Variants in HELZ observed in about 807,000 individuals in gnomAD.
HELZ encodes helicase with zinc finger, also known as ATP-dependent RNA helicase with zinc finger domain.
A neutral mutation model predicts 218.2 loss-of-function variants in HELZ; 23 were observed. The ratio of observed to expected loss-of-function variants is 0.11; its 90% CI spans 0.08 to 0.15. The LOEUF is 0.15. Ranked by LOEUF, HELZ falls within the 10% of genes least tolerant of loss-of-function variation. The probability of loss-of-function intolerance (pLI) is 1.00; values close to 1 mark genes in which losing one functional copy is unlikely to be tolerated. For synonymous variants in HELZ, 814 were observed against 829.4 expected, an observed-to-expected ratio of 0.98 and a Z score of 0.32; for missense variants, 1,813 against 2,353.7, an observed-to-expected ratio of 0.77 and a Z score of 4.75.
At chr17:67,130,185 G>A (rs567223066) in intron 23 of HELZ, among the ~76,000 whole-genome samples, 1 of 152,052 alleles carries the variant, frequency 6.6e-6, no homozygotes, top group Non-Finnish European at 1.5e-5. Context: ...AGAAGGTAGC[G>A]GGGTGGGAGA....
chr17:67,092,970 A>T (rs906150326), intron 31 of HELZ, among the ~76,000 whole-genome samples: 10 of 151,482 alleles, frequency 6.6e-5, no homozygotes, highest in African/African-American at 1.9e-4. Flanking sequence ...TCTGTCTCAT[A>T]AAAAAAAAGA....
intron 17 of HELZ, among the ~76,000 whole-genome samples, chr17:67,155,972 G>A (rs936544454): frequency 6.8e-6 from 1 of 147,112 alleles, no homozygotes. Flanking sequence ...TTATTTTTAT[G>A]TATTATATAT....
chr17:67,174,115 G>A (rs940026218), intron 13 of HELZ, among the ~76,000 whole-genome samples: 2 of 148,908 alleles, frequency 1.3e-5, no homozygotes, highest in African/African-American at 5.0e-5. Context: ...ATGAAATATA[G>A]TATTATCTTT....
At chr17:67,213,874 C>A (rs1054717751) in intron 5 of HELZ, among the ~76,000 whole-genome samples, 1 of 152,074 alleles carries the variant, frequency 6.6e-6, no homozygotes, top group African/African-American at 2.4e-5. Flanking sequence ...TAATTTAGAA[C>A]AATATTCATG....
intron 17 of HELZ, among the ~76,000 whole-genome samples, chr17:67,157,245 C>G (rs78759132): frequency 6.6e-6 from 1 of 152,064 alleles, no homozygotes; most frequent in Non-Finnish European, 1.5e-5. Context: ...AATGCAAGAA[C>G]GGCCTAATAC....
At chr17:67,112,339 G>C (rs1280294946) in intron 28 of HELZ, among the ~76,000 whole-genome samples, 3 of 152,146 alleles carry the variant, frequency 2.0e-5, no homozygotes, top group Admixed American at 6.5e-5. Context: ...TAGATATCTT[G>C]GCTTCAGTTG....
intron 8 of HELZ, 130 bp from the exon 9 acceptor site, chr17:67,194,172 C>A: frequency 1.6e-6 from 1 of 641,076 alleles, no homozygotes; most frequent in Non-Finnish European, 2.7e-6. Context: ...ACATGACATA[C>A]TTGCCTCTAC....
intron 31 of HELZ, among the ~76,000 whole-genome samples, chr17:67,089,186 G>C (rs968283463): frequency 6.6e-6 from 1 of 152,126 alleles, no homozygotes; most frequent in Admixed American, 6.6e-5. Flanking sequence ...ATGTCTCCTG[G>C]TGATACAGAA....
chr17:67,207,977 C>A (rs1025460951), intron 5 of HELZ, among the ~76,000 whole-genome samples: 9 of 152,120 alleles, frequency 5.9e-5, no homozygotes, highest in Non-Finnish European at 4.4e-5. Flanking sequence ...CCAGTCTGGG[C>A]GACAGAGCAA....
Position 67,107,689 on chromosome 17 carries a change from C to A in HELZ, c.4725-4G>T, listed in dbSNP as rs1326566693. The A allele has an allele frequency of 3.1e-6, 5 of 1,602,660 alleles. No homozygotes were observed. The Admixed American group carries it at 6.9e-5, about 22-fold the overall frequency. On this transcript the variant is annotated splice_polypyrimidine_tract_variant and splice_region_variant and intron_variant, in intron 30 of 32. Coordinates refer to ENST00000358691, the MANE Select transcript of HELZ (RefSeq NM_014877.4). The stretch of plus-strand genomic sequence containing the variant: ...TTCTCTGATTAAGTCTTGAAACCTA[C>A]ATGAAAACAATAAAATATGAGGAGA...
rs1218940605 is a variant in HELZ, at chr17:67,074,611, C to T, written c.*3641G>A. The T allele has an allele frequency of 2.0e-5, 3 of 152,118 alleles. No individual in the cohort carries two copies. The highest frequency in any genetic ancestry group is 2.0e-4 in the Admixed American group (3 of 15,278). 9.4% of individuals were successfully genotyped at this position (152,118 alleles called of 1,614,324 possible). A position where few individuals can be genotyped will look rare whatever the true frequency, so the allele number is the denominator to read the frequency against. Reference sequence around the variant, plus strand: ...TATTAAACACATAAAATCAACTACACTAGAGCAACACAATACTATATATTA... The same window carrying T: ...TATTAAACACATAAAATCAACTACATTAGAGCAACACAATACTATATATTA... On this transcript the variant is annotated 3_prime_UTR_variant, in exon 33 of 33. Coordinates refer to ENST00000358691, the MANE Select transcript of HELZ (RefSeq NM_014877.4).
At position 67,086,633 on chromosome 17, in the gene HELZ, T is replaced by TAAATATAA. The variant is rs1567787863; in HGVS notation, c.5494+195_5494+196insTTATATTT. ...ATATATAAATAAATATAAATATAAA[T>TAAATATAA]ATATATATATATATATATATATATA... On this transcript the variant is annotated intron_variant, in intron 32 of 32. Transcript: ENST00000358691. Among the ~76,000 whole-genome samples the TAAATATAA allele has an allele frequency of 2.6e-4, 19 of 72,994 alleles. No homozygotes were observed. In the South Asian group the frequency reaches 7.0e-3, roughly 27 times the overall value. The allele number at this position is 72,994 out of a possible 152,430, so 47.9% of individuals were successfully genotyped here.
chr17:67,237,928 C>T (rs2041226256), intron 3 of HELZ, among the ~76,000 whole-genome samples: 2 of 147,720 alleles, frequency 1.4e-5, no homozygotes, highest in East Asian at 2.0e-4. Context: ...GCAGAGGTTA[C>T]AGTGAGCTGA....
chr17:67,203,270 A>G (rs1323052777), intron 6 of HELZ, 49 bp downstream of exon 6: 14 of 1,590,768 alleles, frequency 8.8e-6, no homozygotes, highest in Admixed American at 3.5e-5. Context: ...CTAAGGAATC[A>G]AATAAAAATT....
At chr17:67,097,774 A>G (rs1414192544) in intron 31 of HELZ, among the ~76,000 whole-genome samples, 2 of 152,232 alleles carry the variant, frequency 1.3e-5, no homozygotes, top group African/African-American at 4.8e-5. Flanking sequence ...TGGATAGGAA[A>G]TAAAATAGTT....
intron 4 of HELZ, among the ~76,000 whole-genome samples, chr17:67,217,174 C>G (rs1329879178): frequency 6.6e-6 from 1 of 152,162 alleles, no homozygotes. Flanking sequence ...CACCTTCCCC[C>G]ACAAAACCTC....
intron 3 of HELZ, among the ~76,000 whole-genome samples, chr17:67,230,082 G>C (rs115098082): frequency 0.018 from 2,798 of 152,178 alleles, 78 homozygotes; most frequent in African/African-American, 0.063. Flanking sequence ...GAGATAAACT[G>C]AATTTTCTAA....
chr17:67,201,674 T>C (rs1019406492), intron 6 of HELZ, among the ~76,000 whole-genome samples: 3 of 152,156 alleles, frequency 2.0e-5, no homozygotes, highest in Non-Finnish European at 4.4e-5. Flanking sequence ...CTAAATTTCA[T>C]TTGAGATTTA....
intron 31 of HELZ, among the ~76,000 whole-genome samples, chr17:67,088,694 A>G (rs1007711578): frequency 6.6e-6 from 1 of 152,206 alleles, no homozygotes; most frequent in African/African-American, 2.4e-5. Context: ...CTTTTTTCAT[A>G]TAATTTTATA....
Sources: gnomAD v4.1 joint callset for allele counts (sites outside exome capture counted in the v4.1 genomes callset) on GRCh38, gnomAD v4.1.1 for gene constraint, MANE v1.5 for transcripts, NCBI Gene and HGNC (gene_info 2026-07-23, HGNC 2026-07-21) for gene names.